The following RIPOR3 variants were observed in gnomAD, a reference collection of about 807,000 sequenced individuals.
RIPOR3 encodes the protein RIPOR family member 3, also known as family with sequence similarity 65 member C.
RIPOR3 carries 95 observed loss-of-function variants against 114.3 expected under a neutral mutation model. The observed-to-expected ratio is 0.83, with a 90% CI of 0.70 to 0.99. The LOEUF (loss-of-function observed/expected upper bound fraction) is 0.99, where lower values mean the gene tolerates loss of function less well. RIPOR3 is among the 50% of genes least tolerant of loss of function. The probability of loss-of-function intolerance (pLI) is 0.00; values close to 1 mark genes in which losing one functional copy is unlikely to be tolerated. For missense variants in RIPOR3, 1,252 were observed against 1,266.9 expected, an observed-to-expected ratio of 0.99 and a Z score of 0.18; for synonymous variants, 575 against 543.8, an observed-to-expected ratio of 1.06 and a Z score of -0.80.
intron 1 of RIPOR3, among the ~76,000 whole-genome samples, chr20:50,673,376 G>T (rs920987560): frequency 6.6e-6 from 1 of 152,090 alleles, no homozygotes; most frequent in Non-Finnish European, 1.5e-5. Context: ...TGGCTTTGGG[G>T]CATTGCTCTC....
intron 1 of RIPOR3, among the ~76,000 whole-genome samples, chr20:50,658,969 C>T (rs1310701012): frequency 6.6e-6 from 1 of 152,056 alleles, no homozygotes; most frequent in Non-Finnish European, 1.5e-5. Flanking sequence ...TAGCAAGTAC[C>T]CAGTGCCAAA....
chr20:50,639,822 C>T (rs555141144), intron 1 of RIPOR3, among the ~76,000 whole-genome samples: 4 of 152,072 alleles, frequency 2.6e-5, no homozygotes, highest in Non-Finnish European at 5.9e-5. Flanking sequence ...CAATCAGAAG[C>T]CCTCACTCTG....
rs1414973379 is a variant in RIPOR3, at chr20:50,595,596, C to T, written c.1915-92G>A. On this transcript the variant is annotated intron_variant, in intron 15 of 21. Transcript: ENST00000327979. ...GTGGCTCCCACCTGCTTGTGCCCAT[C>T]TCTTCTGTCCCGGGGGCAGCTCCCT... 7.2e-6 allele frequency: 11 copies of T among 1,529,222 alleles called. No individual in the cohort carries two copies. In the Admixed American group the frequency reaches 1.9e-4, roughly 27 times the overall value. 94.7% of individuals were successfully genotyped at this position (1,529,222 alleles called of 1,614,324 possible).
At chr20:50,634,894 G>A (rs901911127) in intron 1 of RIPOR3, among the ~76,000 whole-genome samples, 4 of 152,140 alleles carry the variant, frequency 2.6e-5, no homozygotes, top group African/African-American at 4.8e-5. Flanking sequence ...TTAGCCGGGC[G>A]TGGTGGCGCA....
intron 1 of RIPOR3, chr20:50,653,336 A>G (rs2085684680): frequency 6.6e-6 from 1 of 152,038 alleles, no homozygotes; most frequent in South Asian, 2.1e-4. Context: ...ACTAATAGGT[A>G]TGGGGTTTCT....
chr20:50,606,342 G>T (rs1053019151), intron 11 of RIPOR3, among the ~76,000 whole-genome samples: 4 of 152,212 alleles, frequency 2.6e-5, no homozygotes, highest in Non-Finnish European at 5.9e-5. Flanking sequence ...CTAAATCAAG[G>T]AAAGACACCA....
chr20:50,619,622 C>T (rs1263242635), intron 3 of RIPOR3, among the ~76,000 whole-genome samples: 1 of 152,224 alleles, frequency 6.6e-6, no homozygotes, highest in Non-Finnish European at 1.5e-5. Context: ...ACACTGTTGC[C>T]TGTCTGCCGA....
chr20:50,587,409 T>A, intron 21 of RIPOR3, 77 bp from the exon 22 acceptor site: 4 of 1,212,482 alleles, frequency 3.3e-6, no homozygotes, highest in Non-Finnish European at 4.8e-6. Context: ...AGGGTGGCCC[T>A]AGTGCTTAGT....
At chr20:50,676,422 C>T (rs893876222) in intron 1 of RIPOR3, among the ~76,000 whole-genome samples, 1 of 152,034 alleles carries the variant, frequency 6.6e-6, no homozygotes, top group Non-Finnish European at 1.5e-5. Flanking sequence ...GATGCTAAGG[C>T]AGGAGGTTCG....
intron 19 of RIPOR3, 62 bp downstream of exon 19, chr20:50,592,282 A>G: frequency 1.4e-6 from 2 of 1,460,688 alleles, no homozygotes; most frequent in Non-Finnish European, 1.8e-6. Flanking sequence ...CCATGAGAAC[A>G]CCAGCTTACC....
chr20:50,642,847 G>A (rs1396625835), intron 1 of RIPOR3, among the ~76,000 whole-genome samples: 1 of 152,014 alleles, frequency 6.6e-6, no homozygotes, highest in Admixed American at 6.6e-5. Context: ...TCAGGAGTTC[G>A]AGACCAGCCT....
At chr20:50,681,699 A>G (rs1246234658) in intron 1 of RIPOR3, among the ~76,000 whole-genome samples, 1 of 152,152 alleles carries the variant, frequency 6.6e-6, no homozygotes. Flanking sequence ...CCCCTTCCTC[A>G]CCACACCGTT....
At position 50,605,803 on chromosome 20, in the gene RIPOR3, C is replaced by A. The variant is rs527269000; in HGVS notation, c.957-1029G>T. On this transcript the variant is annotated intron_variant, in intron 11 of 21. Coordinates refer to ENST00000327979, the MANE Select transcript of RIPOR3 (RefSeq NM_001290268.2). ...CAAAAAAAAAGAAAAAAAAAAAAAG[C>A]AAAATAAAACAGGAAATGGAGGCTT... Among the ~76,000 whole-genome samples, 421 of 150,206 alleles carry A rather than the reference C, an allele frequency of 2.8e-3. 4 individuals are homozygous for A. Among genetic ancestry groups the A allele is most frequent in the African/African-American group, 8.3e-3 (343 of 41,092 alleles).
chr20:50,616,596 G>A (rs1568866949), intron 3 of RIPOR3, among the ~76,000 whole-genome samples: 1 of 152,076 alleles, frequency 6.6e-6, no homozygotes, highest in Non-Finnish European at 1.5e-5. Context: ...TGTCTGCCTT[G>A]GCCTCCGAAA....
In RIPOR3 at chr20:50,587,672, GGCT is replaced by G. The variant is rs2082965607; in HGVS notation, c.2752+127_2752+129del. ...AGGGTGGAGGTCGGCTCTGTGCCAG[GGCT>G]GCTAACGGTGCCCATCCCAGGTGCC... On this transcript the variant is annotated intron_variant, in intron 21 of 21. Transcript: ENST00000327979. 6.1e-6 allele frequency: 5 copies of G among 817,034 alleles called. No homozygotes were observed. In the East Asian group the frequency reaches 1.1e-4, roughly 17 times the overall value. The allele number at this position is 817,034 out of a possible 1,614,324, so 50.6% of individuals were successfully genotyped here. A position where few individuals can be genotyped will look rare whatever the true frequency, so the allele number is the denominator to read the frequency against.
chr20:50,646,834 A>C (rs1600674868), intron 1 of RIPOR3, among the ~76,000 whole-genome samples: 1 of 152,294 alleles, frequency 6.6e-6, no homozygotes, highest in Non-Finnish European at 1.5e-5. Flanking sequence ...TTTATTAATT[A>C]ATTTCTTATT....
At chr20:50,644,331 A>C (rs2085314846) in intron 1 of RIPOR3, among the ~76,000 whole-genome samples, 2 of 152,124 alleles carry the variant, frequency 1.3e-5, no homozygotes, top group African/African-American at 4.8e-5. Flanking sequence ...ATAACTGCTA[A>C]AATAGATATG....
chr20:50,591,356 A>G (rs2083101271), intron 19 of RIPOR3, among the ~76,000 whole-genome samples: 1 of 152,230 alleles, frequency 6.6e-6, no homozygotes, highest in South Asian at 2.1e-4. Context: ...AAGGTCAAAT[A>G]GGATGCCTCA....
At chr20:50,648,110 T>C in intron 1 of RIPOR3, among the ~76,000 whole-genome samples, 1 of 151,630 alleles carries the variant, frequency 6.6e-6, no homozygotes, top group East Asian at 2.0e-4. Flanking sequence ...ACCCCATCTC[T>C]ACTAAAAATA....
Sources: allele counts gnomAD v4.1 joint callset (sites outside exome capture counted in the v4.1 genomes callset), GRCh38; gene constraint gnomAD v4.1.1; transcripts MANE v1.5; gene names NCBI Gene and HGNC (gene_info 2026-07-23, HGNC 2026-07-21).